The following SACS variants were observed in gnomAD, a reference collection of about 807,000 sequenced individuals.
The protein encoded by SACS is sacsin molecular chaperone.
A neutral mutation model predicts 348.0 loss-of-function variants in SACS; 197 were observed. The observed-to-expected ratio is 0.57, with a 90% CI of 0.50 to 0.64. SACS has a LOEUF of 0.64. Ranked by LOEUF, SACS falls within the 30% of genes least tolerant of loss-of-function variation. The probability of loss-of-function intolerance (pLI) is 0.00; values close to 1 mark genes in which losing one functional copy is unlikely to be tolerated. For synonymous variants in SACS, 1,985 were observed against 1,910.6 expected (o/e 1.04, Z -1.02); for missense variants, 4,999 against 5,360.8 (o/e 0.93, Z 2.11).
intron 1 of SACS, among the ~76,000 whole-genome samples, chr13:23,418,754 C>T (rs1460101053): frequency 1.3e-5 from 2 of 152,194 alleles, no homozygotes; most frequent in Non-Finnish European, 2.9e-5. Context: ...ATCCCCCTGC[C>T]TCAGCCTCCC....
intron 9 of SACS, among the ~76,000 whole-genome samples, chr13:23,353,179 C>T (rs76881308): frequency 6.6e-6 from 1 of 152,134 alleles, no homozygotes; most frequent in Non-Finnish European, 1.5e-5. Flanking sequence ...CCTAAAAGGA[C>T]ACCTATCAGA....
At chr13:23,372,125 C>T (rs569012582) in intron 3 of SACS, among the ~76,000 whole-genome samples, 59 of 152,214 alleles carry the variant, frequency 3.9e-4, no homozygotes, top group African/African-American at 1.2e-3. Context: ...GTCCTCCTGC[C>T]GAAGTACCTG....
intron 1 of SACS, among the ~76,000 whole-genome samples, chr13:23,414,787 T>C (rs1873635511): frequency 6.6e-6 from 1 of 152,244 alleles, no homozygotes; most frequent in African/African-American, 2.4e-5. Flanking sequence ...CTGTCATTTC[T>C]AACAGAATAG....
intron 1 of SACS, among the ~76,000 whole-genome samples, chr13:23,419,530 G>A (rs1873835491): frequency 6.6e-6 from 1 of 152,134 alleles, no homozygotes; most frequent in Non-Finnish European, 1.5e-5. Flanking sequence ...AACCGGGCGT[G>A]TTATGTCTCC....
chr13:23,432,951 AAGAC>A lies in SACS; in HGVS notation c.-502+660_-502+663del, dbSNP rs548692208. 3.8e-3 allele frequency among the ~76,000 whole-genome samples: 573 copies of A among 152,344 alleles called. 1 individual carries two copies. Among genetic ancestry groups the A allele is most frequent in the Non-Finnish European group, 6.0e-3 (411 of 68,040 alleles). ...TTGACCTCGTTTTAAGGAAGAAAAA[AAGAC>A]AGCGAGAGAGAGGTTTTGTTGCTAA... On this transcript the variant is annotated intron_variant, in intron 1 of 9. Transcript: ENST00000382292.
At chr13:23,372,104 T>C (rs11148753) in intron 3 of SACS, among the ~76,000 whole-genome samples, 77,558 of 152,084 alleles carry the variant, frequency 0.51, 22,032 homozygotes, top group Admixed American at 0.67. Context: ...AAATTTTTGT[T>C]GTGAAGAATG....
Position 23,335,598 on chromosome 13 carries a change from T to A in SACS, c.8278A>T (p.Asn2760Tyr). 1 of 1,613,918 alleles carries A rather than the reference T, an allele frequency of 6.2e-7. No individual in the cohort carries two copies. Among genetic ancestry groups the A allele is most frequent in the Non-Finnish European group, 8.5e-7 (1 of 1,179,894 alleles). Residue 2760 changes from asparagine to tyrosine, a missense_variant, in exon 10 of 10, where the codon AAT becomes TAT. This residue lies in a region of SACS where 3,156 missense variants were observed against 3,380.1 expected (regional missense o/e 0.93). Coordinates refer to ENST00000382292, the MANE Select transcript of SACS (RefSeq NM_014363.6). This position sits in a 1 kb window ranked among gnomAD's most constrained non-coding sequence, Gnocchi z 4.7. ...CEIDKSTGAL[N>Y]VLYSVKGKIT... is the part of the protein sequence containing the mutation. Reference sequence around the variant, plus strand: ...TTGCCCTTTACTGAATACAGCACATTTAGAGCTCCAGTACTCTTATCTATT... The same window carrying A: ...TTGCCCTTTACTGAATACAGCACATATAGAGCTCCAGTACTCTTATCTATT...
intron 4 of SACS, among the ~76,000 whole-genome samples, chr13:23,368,886 A>G (rs184681804): frequency 1.6e-3 from 244 of 152,102 alleles, no homozygotes; most frequent in African/African-American, 3.7e-3. Flanking sequence ...TTTTTAGTAG[A>G]GATGGGGTTT....
chr13:23,335,901 T>C lies in SACS; in HGVS notation c.7975A>G (p.Thr2659Ala), dbSNP rs755380894. ...DPHARYAPGATSISPGRMFRD... is the reference protein window; with the variant it reads ...DPHARYAPGAASISPGRMFRD... ...AACATGCGTCCGGGACTAATGGATG[T>C]GGCCCCTGGTGCATATCTGGCATGA... The change falls in exon 10 of 10, where the codon ACA (threonine) becomes GCA (alanine). Residue 2659 changes from threonine (T) to alanine (A), a missense_variant. By Grantham distance (58) the Thr-to-Ala change is moderately conservative. Around this residue, in one of 6 missense-constraint regions of SACS, gnomAD observed 3,156 missense variants for 3,380.1 expected, o/e 0.93. Coordinates refer to ENST00000382292, the MANE Select transcript of SACS (RefSeq NM_014363.6). The surrounding 1 kb of genome is among the most constrained non-coding windows in gnomAD (Gnocchi z 4.7). The C allele has an allele frequency of 5.0e-6, 8 of 1,613,210 alleles. No homozygotes were observed. Among genetic ancestry groups the C allele is most frequent in the Non-Finnish European group, 6.8e-6 (8 of 1,179,288 alleles).
At chr13:23,406,220 T>C (rs1029374636) in intron 2 of SACS, among the ~76,000 whole-genome samples, 1 of 152,196 alleles carries the variant, frequency 6.6e-6, no homozygotes, top group African/African-American at 2.4e-5. Flanking sequence ...TGAGTTCCTG[T>C]CCTTTGCAGG....
intron 2 of SACS, among the ~76,000 whole-genome samples, chr13:23,391,594 T>C (rs1183288075): frequency 6.6e-6 from 1 of 152,088 alleles, no homozygotes; most frequent in East Asian, 1.9e-4. Context: ...GTTCAAGTAA[T>C]TGCTCCTCCC....
At position 23,398,969 on chromosome 13, in the gene SACS, C is replaced by T. The variant is rs148018847; in HGVS notation, c.20+12251G>A. Among the ~76,000 whole-genome samples the T allele has an allele frequency of 8.1e-3, 1,103 of 136,206 alleles. 37 individuals are homozygous for T. Among genetic ancestry groups the T allele is most frequent in the Admixed American group, 0.056 (663 of 11,874 alleles). The allele number at this position is 136,206 out of a possible 152,430, so 89.4% of individuals were successfully genotyped here. A position where few individuals can be genotyped will look rare whatever the true frequency, so the allele number is the denominator to read the frequency against. ...CTGGGAGGCAGAGGTTGCAGTGAGC[C>T]GAGATTGCGCCACTGCATTTCAGTC... On this transcript the variant is annotated intron_variant, in intron 2 of 9. Coordinates refer to ENST00000382292, the MANE Select transcript of SACS (RefSeq NM_014363.6).
intron 6 of SACS, among the ~76,000 whole-genome samples, chr13:23,363,633 T>C (rs1350600709): frequency 6.6e-6 from 1 of 152,168 alleles, no homozygotes; most frequent in East Asian, 1.9e-4. Flanking sequence ...CAAGGTGAAG[T>C]CAAGGCTAGA....
intron 2 of SACS, among the ~76,000 whole-genome samples, chr13:23,387,301 A>C (rs1872330968): frequency 6.6e-6 from 1 of 151,922 alleles, no homozygotes; most frequent in African/African-American, 2.4e-5. Flanking sequence ...CTACTAAAAA[A>C]CACAAAAAAA....
At chr13:23,406,764 C>A (rs1475120116) in intron 2 of SACS, among the ~76,000 whole-genome samples, 1 of 152,020 alleles carries the variant, frequency 6.6e-6, no homozygotes, top group Non-Finnish European at 1.5e-5. Context: ...TTATTTTTTG[C>A]ATTTATGTAA....
chr13:23,374,250 T>C (rs773349019), intron 3 of SACS, among the ~76,000 whole-genome samples: 2 of 152,186 alleles, frequency 1.3e-5, no homozygotes, highest in African/African-American at 4.8e-5. Context: ...GGCAAAGGAC[T>C]AGAAAACTGA....
At position 23,358,186 on chromosome 13, in the gene SACS, A is replaced by G. The variant is rs1194497483; in HGVS notation, c.604+149T>C. Reference sequence around the variant, plus strand: ...ATTTCAGAAAATTCAGTATGCACTGATATTTCATTGACATACCTCCTGCTA... The same window carrying G: ...ATTTCAGAAAATTCAGTATGCACTGGTATTTCATTGACATACCTCCTGCTA... On this transcript the variant is annotated intron_variant, in intron 7 of 9. Coordinates refer to ENST00000382292, the MANE Select transcript of SACS (RefSeq NM_014363.6). 1.1e-5 allele frequency: 9 copies of G among 803,688 alleles called. No individual in the cohort carries two copies. The Admixed American group carries it at 1.2e-4, about 11-fold the overall frequency. The allele number at this position is 803,688 out of a possible 1,614,324, so 49.8% of individuals were successfully genotyped here.
intron 6 of SACS, among the ~76,000 whole-genome samples, chr13:23,361,891 G>C (rs1870758353): frequency 6.6e-6 from 1 of 152,146 alleles, no homozygotes; most frequent in South Asian, 2.1e-4. Context: ...CTTTCCCCAG[G>C]GAATACCCAA....
chr13:23,362,523 ATGTT>A (rs2137765858), intron 6 of SACS, among the ~76,000 whole-genome samples: 1 of 151,652 alleles, frequency 6.6e-6, no homozygotes, highest in East Asian at 1.9e-4. Flanking sequence ...CTCTCAATAA[ATGTT>A]TGTTAAATAA....
Sources: allele counts gnomAD v4.1 joint callset (sites outside exome capture counted in the v4.1 genomes callset), GRCh38; gene constraint gnomAD v4.1.1; regional missense constraint gnomAD v4.1.1; non-coding constraint Gnocchi (gnomAD v3.1); transcripts MANE v1.5; gene names NCBI Gene and HGNC (gene_info 2026-07-23, HGNC 2026-07-21).